Variants in LMO7 observed in about 807,000 individuals in gnomAD.
LMO7 encodes LIM domain 7.
Under a neutral mutation model 206.5 loss-of-function variants are expected in LMO7, and 120 were observed. The ratio of observed to expected loss-of-function variants is 0.58; its 90% confidence interval spans 0.50 to 0.68. The LOEUF (loss-of-function observed/expected upper bound fraction) is 0.68, where lower values mean the gene tolerates loss of function less well. Among genes scored for constraint, LMO7 ranks in the 30% least tolerant of loss-of-function variants. The pLI, the probability that LMO7 is intolerant of heterozygous loss-of-function variation, is 0.00. For missense variants in LMO7, 1,959 were observed against 1,957.9 expected (o/e 1.00, Z -0.01); for synonymous variants, 706 against 681.5 (o/e 1.04, Z -0.56).
intron 2 of LMO7, among the ~76,000 whole-genome samples, chr13:75,713,931 A>G (rs944938155): frequency 6.6e-6 from 1 of 152,240 alleles, no homozygotes; most frequent in African/African-American, 2.4e-5. Flanking sequence ...CCTGTGAGGC[A>G]TAAGGATGAA....
At chr13:75,792,603 A>G (rs2053460113) in intron 4 of LMO7, among the ~76,000 whole-genome samples, 2 of 152,156 alleles carry the variant, frequency 1.3e-5, no homozygotes, top group South Asian at 4.1e-4. Flanking sequence ...CCCCTTCACC[A>G]TTGCAGTAGT....
intron 11 of LMO7, 27 bp from the exon 12 acceptor site, chr13:75,817,134 T>A: frequency 6.5e-7 from 1 of 1,532,444 alleles, no homozygotes; most frequent in Non-Finnish European, 9.0e-7. Flanking sequence ...TGAACTTCCG[T>A]AGTAACCATG....
chr13:75,807,753 A>G lies in LMO7; in HGVS notation c.1470A>G (p.Gln490=), dbSNP rs2055734267. The G allele has an allele frequency of 1.2e-6, 2 of 1,613,904 alleles. No individual in the cohort carries two copies. Among genetic ancestry groups the G allele is most frequent in the African/African-American group, 1.3e-5 (1 of 74,934 alleles). The change falls in exon 10 of 31, where the codon CAA becomes CAG. Residue 490 remains glutamine, a synonymous_variant. Transcript: ENST00000377534. ...AAGACTTTAGAAAGTTCTCTGAGCA[A>G]GATGATTCTGTAGAGCGAGATATAA... ...AFEDFRKFSE[Q]DDSVERDIIL...
intron 1 of LMO7, among the ~76,000 whole-genome samples, chr13:75,683,766 C>T (rs1273861858): frequency 6.6e-6 from 1 of 152,196 alleles, no homozygotes; most frequent in Non-Finnish European, 1.5e-5. Flanking sequence ...GTAAGATTTA[C>T]ATTGGTTCCA....
In LMO7 at chr13:75,695,318, C is replaced by G. The variant is rs77379101; in HGVS notation, c.70-17864C>G. Among the ~76,000 whole-genome samples, 698 of 152,324 alleles carry G rather than the reference C, an allele frequency of 4.6e-3. 7 individuals carry two copies. Among genetic ancestry groups the G allele is most frequent in the African/African-American group, 0.016 (671 of 41,576 alleles). On this transcript the variant is annotated intron_variant, in intron 1 of 30. Coordinates refer to ENST00000377534, the MANE Select transcript of LMO7 (RefSeq NM_001306080.2). ...TATATGTTTGGCTTCTGAACATTTT[C>G]TGTGTCAGGATTTTTTCTCCCAAAA...
intron 1 of LMO7, among the ~76,000 whole-genome samples, chr13:75,711,033 C>T (rs1260916460): frequency 6.6e-6 from 1 of 152,116 alleles, no homozygotes; most frequent in East Asian, 1.9e-4. Flanking sequence ...TGTCAAAGGC[C>T]TTTTCTGCAT....
At chr13:75,659,107 C>T (rs978965071) in intron 1 of LMO7, among the ~76,000 whole-genome samples, 1 of 152,014 alleles carries the variant, frequency 6.6e-6, no homozygotes, top group South Asian at 2.1e-4. Context: ...GTATCTTTGA[C>T]TTTTTTCTAT....
intron 1 of LMO7, among the ~76,000 whole-genome samples, chr13:75,682,817 C>T (rs181074224): frequency 7.2e-5 from 11 of 152,192 alleles, no homozygotes; most frequent in Admixed American, 1.3e-4. Context: ...ACAATAAGAG[C>T]CTAATAAATG....
At chr13:75,705,975 T>C (rs1190070434) in intron 1 of LMO7, among the ~76,000 whole-genome samples, 1 of 148,666 alleles carries the variant, frequency 6.7e-6, no homozygotes, top group African/African-American at 2.4e-5. Flanking sequence ...TTACTTTCAT[T>C]CTACAGATGG....
chr13:75,670,254 C>A (rs1332065527), intron 1 of LMO7, among the ~76,000 whole-genome samples: 1 of 152,188 alleles, frequency 6.6e-6, no homozygotes, highest in Non-Finnish European at 1.5e-5. Context: ...CTGAACACAT[C>A]CTCATGTCCT....
intron 4 of LMO7, among the ~76,000 whole-genome samples, chr13:75,775,369 T>A (rs1198040861): frequency 6.6e-6 from 1 of 151,998 alleles, no homozygotes; most frequent in Admixed American, 6.6e-5. Flanking sequence ...GAAGAAAACC[T>A]GGAAAAACTC....
At chr13:75,850,649 C>T (rs1212742680) in intron 27 of LMO7, among the ~76,000 whole-genome samples, 1 of 152,218 alleles carries the variant, frequency 6.6e-6, no homozygotes, top group Non-Finnish European at 1.5e-5. Context: ...CAATCTCTCA[C>T]AGTCCTGAAG....
chr13:75,794,732 G>A (rs1177412452), intron 4 of LMO7, among the ~76,000 whole-genome samples: 1 of 152,118 alleles, frequency 6.6e-6, no homozygotes, highest in African/African-American at 2.4e-5. Context: ...ACACTGTGGT[G>A]CCATCTGCCT....
At chr13:75,795,531 TA>T in intron 5 of LMO7, 100 bp downstream of exon 5, 1 of 807,116 alleles carries the variant, frequency 1.2e-6, no homozygotes, top group Admixed American at 2.6e-5. Context: ...ATCTCTTTTC[TA>T]ATTAATTTTT....
chr13:75,746,657 G>A (rs935317013), intron 3 of LMO7, among the ~76,000 whole-genome samples: 3 of 152,140 alleles, frequency 2.0e-5, no homozygotes, highest in South Asian at 2.1e-4. Flanking sequence ...TCCTGTAGAC[G>A]GGAGTTTCTG....
intron 10 of LMO7, among the ~76,000 whole-genome samples, chr13:75,808,786 T>A (rs2055905011): frequency 6.6e-6 from 1 of 152,198 alleles, no homozygotes; most frequent in Non-Finnish European, 1.5e-5. Flanking sequence ...TTTGATAGTT[T>A]GTATTATGCA....
chr13:75,855,397 C>T, intron 29 of LMO7, 29 bp downstream of exon 29: 4 of 1,484,224 alleles, frequency 2.7e-6, no homozygotes, highest in Non-Finnish European at 3.8e-6. Context: ...GCTTGCAGGC[C>T]TGCAAAGCTT....
At chr13:75,636,204 A>G (rs1262621812), upstream of LMO7, 4 of 733,568 alleles carry the variant, frequency 5.5e-6, no homozygotes, top group Non-Finnish European at 6.5e-6. Flanking sequence ...CGCGGCCGGG[A>G]GCCCGGGGAG....
intron 3 of LMO7, among the ~76,000 whole-genome samples, chr13:75,732,810 G>A (rs1215255259): frequency 1.3e-5 from 2 of 152,128 alleles, no homozygotes; most frequent in Non-Finnish European, 2.9e-5. Flanking sequence ...TGGTGTGGAT[G>A]TCCTTTCTGT....
Sources: allele counts gnomAD v4.1 joint callset (sites outside exome capture counted in the v4.1 genomes callset), GRCh38; gene constraint gnomAD v4.1.1; transcripts MANE v1.5; gene names NCBI Gene and HGNC (gene_info 2026-07-23, HGNC 2026-07-21).